The following TPO variants were observed in gnomAD, a reference collection of about 807,000 sequenced individuals.
TPO encodes thyroid peroxidase.
Under a neutral mutation model 96.9 loss-of-function variants are expected in TPO, and 78 were observed. That is an observed-to-expected ratio of 0.81 (90% CI 0.67 to 0.97). The LOEUF (loss-of-function observed/expected upper bound fraction) is 0.97. TPO is among the 50% of genes least tolerant of loss of function. TPO has a pLI of 0.00. For missense variants in TPO, 1,252 were observed against 1,274.8 expected (o/e 0.98, Z 0.27); for synonymous variants, 547 against 538.0 (o/e 1.02, Z -0.23).
chr2:1,456,033 C>G (rs188554757), intron 6 of TPO, 43 bp from the exon 7 acceptor site: 7 of 1,588,454 alleles, frequency 4.4e-6, no homozygotes, highest in African/African-American at 1.3e-5. Flanking sequence ...TCTGCTACCA[C>G]AGGGTCCTCC....
chr2:1,433,637 G>A (rs775382706), intron 4 of TPO, 30 bp downstream of exon 4: 6 of 1,608,080 alleles, frequency 3.7e-6, no homozygotes, highest in East Asian at 2.2e-5. Context: ...CCACTGAGGA[G>A]CGGCAACTCC....
rs868327811 is a variant in TPO, at chr2:1,477,197, G to A, written c.931G>A (p.Ala311Thr). 3.7e-6 allele frequency: 6 copies of A among 1,609,514 alleles called. No homozygotes were observed. Among genetic ancestry groups the A allele is most frequent in the Admixed American group, 1.7e-5 (1 of 59,674 alleles). The change falls in exon 8 of 17, where the codon GCC (alanine) becomes ACC (threonine). Residue 311 changes from alanine to threonine, a missense_variant. Ala to Thr is a moderately conservative substitution (Grantham distance 58, BLOSUM62 0). Coordinates refer to ENST00000329066, the MANE Select transcript of TPO (RefSeq NM_001206744.2). ...QGALFGNLST[A>T]NPRQQMNGLT... is the part of the protein sequence containing the mutation. ...CGCGCTCTTTGGGAACCTGTCCACG[G>A]CCAACCCGCGGCAGCAGATGAACGG... is the stretch of plus-strand genomic sequence containing the variant.
At chr2:1,391,824 G>A (rs374870996) in intron 1 of TPO, among the ~76,000 whole-genome samples, 1 of 152,092 alleles carries the variant, frequency 6.6e-6, no homozygotes, top group African/African-American at 2.4e-5. Flanking sequence ...TTTGTCTGTT[G>A]TTGGTGTACA....
chr2:1,479,390 G>A (rs1670321820), intron 8 of TPO, among the ~76,000 whole-genome samples: 2 of 152,296 alleles, frequency 1.3e-5, no homozygotes, highest in Admixed American at 1.3e-4. Flanking sequence ...TAGAGTTTGT[G>A]AATGAAGTAG....
intron 13 of TPO, among the ~76,000 whole-genome samples, chr2:1,502,705 G>A (rs1672998258): frequency 6.6e-6 from 1 of 152,152 alleles, no homozygotes; most frequent in African/African-American, 2.4e-5. Context: ...TACTCTTATA[G>A]AATGGTTGTC....
Position 1,477,411 on chromosome 2 carries a change from C to CCGGAGAGA in TPO, c.1147_1154dup (p.Arg386GlufsTer21). The CCGGAGAGA allele has an allele frequency of 6.6e-7, 1 of 1,525,714 alleles. No homozygotes were observed. Among genetic ancestry groups the CCGGAGAGA allele is most frequent in the Non-Finnish European group, 8.8e-7 (1 of 1,139,996 alleles). The allele number at this position is 1,525,714 out of a possible 1,614,324, so 94.5% of individuals were successfully genotyped here. A position where few individuals can be genotyped will look rare whatever the true frequency, so the allele number is the denominator to read the frequency against. ...GCCTGTGCGCCCGAGCCCGGCATCC[C>CCGGAGAGA]CGGAGAGACCCGCGGGCCCTGCTTC... On this transcript the variant is annotated frameshift_variant, in exon 8 of 17. Transcript: ENST00000329066. LOFTEE classifies it high-confidence loss of function.
chr2:1,517,517 T>TAG, intron 15 of TPO, among the ~76,000 whole-genome samples: 1 of 152,070 alleles, frequency 6.6e-6, no homozygotes, highest in Non-Finnish European at 1.5e-5. Context: ...GTGCGGCAGC[T>TAG]GGTCCATGTC....
At position 1,541,416 on chromosome 2, in the gene TPO, G is replaced by A. The variant is rs28912368; in HGVS notation, c.2748+693G>A. ...TCTGTCGCCCAGACTGGAGTGCAGT[G>A]GCACAAACATAGCTCACTGCAGCTT... is the stretch of plus-strand genomic sequence containing the variant. On this transcript the variant is annotated intron_variant, in intron 16 of 16. Coordinates refer to ENST00000329066, the MANE Select transcript of TPO (RefSeq NM_001206744.2). 825 of 167,640 alleles carry A rather than the reference G, an allele frequency of 4.9e-3. 8 individuals are homozygous for A. The highest frequency in any genetic ancestry group is 0.019 in the African/African-American group (788 of 41,512). The allele number at this position is 167,640 out of a possible 1,614,324, so 10.4% of individuals were successfully genotyped here.
chr2:1,496,116 G>A lies in TPO; in HGVS notation c.2134G>A (p.Gly712Ser), dbSNP rs1331129490. 10 of 1,614,092 alleles carry A rather than the reference G, an allele frequency of 6.2e-6. No homozygotes were observed. In the East Asian group the frequency reaches 8.9e-5, roughly 14 times the overall value. ...TRVPMDAFQV[G>S]KFPEDFESCD... ...GGTGCCCATGGATGCCTTCCAAGTC[G>A]GCAAATTCCCCGAAGACTTTGAGTC... The change falls in exon 12 of 17, where the codon GGC becomes AGC. Residue 712 changes from glycine (G) to serine (S), a missense_variant. Physicochemically the swap from Gly to Ser is moderately conservative, Grantham distance 56. Transcript: ENST00000329066.
intron 15 of TPO, among the ~76,000 whole-genome samples, chr2:1,518,056 G>C (rs28913022): frequency 0.13 from 19,744 of 151,888 alleles, 2,301 homozygotes; most frequent in African/African-American, 0.31. Flanking sequence ...CCTCACTGGC[G>C]GAGCCCCCAG....
intron 6 of TPO, among the ~76,000 whole-genome samples, chr2:1,455,852 C>A (rs1215512652): frequency 1.3e-5 from 2 of 152,130 alleles, no homozygotes; most frequent in African/African-American, 2.4e-5. Context: ...GAAGTTAATG[C>A]CAGGCCCTCC....
chr2:1,378,140 G>A (rs1017384364), intron 1 of TPO, among the ~76,000 whole-genome samples: 2 of 152,222 alleles, frequency 1.3e-5, no homozygotes, highest in Non-Finnish European at 2.9e-5. Context: ...CCCCTGCCAT[G>A]TGGAACTGTG....
intron 8 of TPO, among the ~76,000 whole-genome samples, chr2:1,479,161 C>G (rs149168685): frequency 1.4e-4 from 22 of 152,344 alleles, no homozygotes; most frequent in South Asian, 1.0e-3. Context: ...TCCAGGTCCT[C>G]GTCTCCATGA....
At chr2:1,513,255 G>A (rs1420935586) in intron 14 of TPO, among the ~76,000 whole-genome samples, 1 of 152,248 alleles carries the variant, frequency 6.6e-6, no homozygotes, top group African/African-American at 2.4e-5. Flanking sequence ...AGCAGCAGAG[G>A]CCTCGGCTGA....
chr2:1,382,186 A>T (rs553053424), intron 1 of TPO, among the ~76,000 whole-genome samples: 1 of 152,308 alleles, frequency 6.6e-6, no homozygotes, highest in East Asian at 1.9e-4. Context: ...TTTCAGTCCC[A>T]CTAGGGCACA....
chr2:1,519,023 G>T (rs567445117), intron 15 of TPO, among the ~76,000 whole-genome samples: 1 of 152,182 alleles, frequency 6.6e-6, no homozygotes, highest in African/African-American at 2.4e-5. Flanking sequence ...GCAGGCGAAG[G>T]CCATCTTGAC....
At chr2:1,393,512 C>G (rs576845494) in intron 1 of TPO, among the ~76,000 whole-genome samples, 1 of 152,196 alleles carries the variant, frequency 6.6e-6, no homozygotes, top group South Asian at 2.1e-4. Flanking sequence ...AGGTGGGGGA[C>G]CCTTGTGCCC....
intron 2 of TPO, among the ~76,000 whole-genome samples, chr2:1,420,189 C>A (rs1388275322): frequency 6.6e-6 from 1 of 152,186 alleles, no homozygotes; most frequent in Admixed American, 6.5e-5. Flanking sequence ...GACTAAGCAA[C>A]ATATGATCAG....
At chr2:1,457,722 T>C (rs28663288) in intron 7 of TPO, among the ~76,000 whole-genome samples, 57,508 of 151,834 alleles carry the variant, frequency 0.38, 12,141 homozygotes, top group East Asian at 0.49. Flanking sequence ...TGATACTGTG[T>C]GGTCACAAGT....
Sources: allele counts gnomAD v4.1 joint callset (sites outside exome capture counted in the v4.1 genomes callset), GRCh38; gene constraint gnomAD v4.1.1; transcripts MANE v1.5; gene names NCBI Gene and HGNC (gene_info 2026-07-23, HGNC 2026-07-21).